Variants in NEDD4L observed in about 807,000 individuals in gnomAD.
The protein encoded by NEDD4L is E3 ubiquitin-protein ligase NEDD4-like.
Under a neutral mutation model 148.9 loss-of-function variants are expected in NEDD4L, and 54 were observed. The ratio of observed to expected loss-of-function variants is 0.36; its 90% CI spans 0.29 to 0.45. NEDD4L has a LOEUF of 0.45. Ranked by LOEUF, NEDD4L falls within the 20% of genes least tolerant of loss-of-function variation. The pLI is 1.00. For synonymous variants in NEDD4L, 433 were observed against 440.7 expected, an observed-to-expected ratio of 0.98 and a Z score of 0.22; for missense variants, 856 against 1,233.8, an observed-to-expected ratio of 0.69 and a Z score of 4.59.
chr18:58,124,987 C>T (rs970705835), intron 1 of NEDD4L, among the ~76,000 whole-genome samples: 22 of 152,230 alleles, frequency 1.4e-4, no homozygotes, highest in African/African-American at 4.6e-4. Context: ...ACTGCAGCGT[C>T]AGACTCCTGG....
chr18:58,110,588 A>C (rs1374320862), intron 1 of NEDD4L, among the ~76,000 whole-genome samples: 1 of 152,052 alleles, frequency 6.6e-6, no homozygotes, highest in Non-Finnish European at 1.5e-5. Flanking sequence ...CGTGCTGTGG[A>C]CCTCAGTCCC....
At chr18:58,250,131 T>A (rs1319725181) in intron 4 of NEDD4L, among the ~76,000 whole-genome samples, 2 of 151,828 alleles carry the variant, frequency 1.3e-5, no homozygotes, top group Non-Finnish European at 2.9e-5. Flanking sequence ...TTTCTGAAGG[T>A]TTTTTTTGTT....
intron 16 of NEDD4L, among the ~76,000 whole-genome samples, chr18:58,345,795 G>T (rs1335321433): frequency 1.3e-5 from 2 of 152,156 alleles, no homozygotes; most frequent in East Asian, 3.9e-4. Flanking sequence ...AGGCTGGAGT[G>T]TAATGGCACA....
At chr18:58,146,073 TA>T (rs1453184959) in intron 1 of NEDD4L, among the ~76,000 whole-genome samples, 1 of 152,078 alleles carries the variant, frequency 6.6e-6, no homozygotes, top group African/African-American at 2.4e-5. Context: ...TTAAAAGTAT[TA>T]ATAGTAGTGC....
intron 5 of NEDD4L, among the ~76,000 whole-genome samples, chr18:58,285,885 G>A (rs990613821): frequency 2.6e-5 from 4 of 152,186 alleles, no homozygotes; most frequent in African/African-American, 9.6e-5. Context: ...TAAACAACAT[G>A]TTCAGCAAGC....
At chr18:58,345,071 C>T (rs1372412650) in intron 16 of NEDD4L, among the ~76,000 whole-genome samples, 1 of 152,252 alleles carries the variant, frequency 6.6e-6, no homozygotes, top group East Asian at 1.9e-4. Flanking sequence ...CCCATTTTTA[C>T]TTTCCAGTTG....
At chr18:58,247,914 G>A (rs372799505) in intron 3 of NEDD4L, among the ~76,000 whole-genome samples, 251 of 152,288 alleles carry the variant, frequency 1.6e-3, no homozygotes, top group African/African-American at 5.8e-3. Context: ...TGGAGTTGTG[G>A]GTGGGGAAAG....
chr18:58,191,120 G>C (rs536598574), intron 2 of NEDD4L, among the ~76,000 whole-genome samples: 45 of 152,180 alleles, frequency 3.0e-4, no homozygotes, highest in African/African-American at 1.1e-3. Flanking sequence ...GTCTCTAAAA[G>C]TATAATATTT....
intron 5 of NEDD4L, among the ~76,000 whole-genome samples, chr18:58,267,385 A>G (rs1568521667): frequency 6.6e-6 from 1 of 152,080 alleles, no homozygotes. Flanking sequence ...AGAATCTCTC[A>G]TGAAAATGTA....
chr18:58,337,607 AC>A (rs531172900), intron 13 of NEDD4L, among the ~76,000 whole-genome samples: 137 of 152,160 alleles, frequency 9.0e-4, no homozygotes, highest in African/African-American at 3.2e-3. Context: ...TGTATACATT[AC>A]TTAGCAACTT....
chr18:58,132,708 G>T (rs887611219), intron 1 of NEDD4L, among the ~76,000 whole-genome samples: 2 of 152,156 alleles, frequency 1.3e-5, no homozygotes, highest in African/African-American at 4.8e-5. Flanking sequence ...GAGCTTAGTG[G>T]GCCTTGGACC....
intron 24 of NEDD4L, among the ~76,000 whole-genome samples, chr18:58,382,059 A>T (rs2048414081): frequency 6.6e-6 from 1 of 152,278 alleles, no homozygotes; most frequent in Non-Finnish European, 1.5e-5. Context: ...TGGAAAGCAT[A>T]GTGGAAAAAT....
chr18:58,179,382 A>G (rs548556470), intron 2 of NEDD4L, among the ~76,000 whole-genome samples: 1 of 152,292 alleles, frequency 6.6e-6, no homozygotes, highest in South Asian at 2.1e-4. Flanking sequence ...TGGCCTCGCC[A>G]TCTGTACAGT....
intron 1 of NEDD4L, among the ~76,000 whole-genome samples, chr18:58,155,626 T>C (rs1407204597): frequency 1.3e-5 from 2 of 152,220 alleles, no homozygotes; most frequent in African/African-American, 4.8e-5. Context: ...AGCATGATTA[T>C]GGCCAAGATG....
chr18:58,269,673 C>G (rs897476526), intron 5 of NEDD4L, among the ~76,000 whole-genome samples: 3 of 152,066 alleles, frequency 2.0e-5, no homozygotes, highest in African/African-American at 7.2e-5. Context: ...GATTTTCAGT[C>G]AGGGTTGAGA....
At chr18:58,390,542 T>C (rs2049672075) in intron 28 of NEDD4L, 104 bp from the exon 29 acceptor site, 1 of 727,064 alleles carries the variant, frequency 1.4e-6, no homozygotes, top group Non-Finnish European at 2.4e-6. Context: ...TGTCTAGGTC[T>C]TACATTGCAA....
intron 1 of NEDD4L, among the ~76,000 whole-genome samples, chr18:58,058,813 T>TA (rs2082199681): frequency 6.6e-6 from 1 of 152,218 alleles, no homozygotes; most frequent in South Asian, 2.1e-4. Context: ...TCTGCATAGT[T>TA]ACTTCTACTG....
chr18:58,053,888 A>G (rs1332912179), intron 1 of NEDD4L, among the ~76,000 whole-genome samples: 1 of 152,162 alleles, frequency 6.6e-6, no homozygotes, highest in Non-Finnish European at 1.5e-5. Flanking sequence ...AAAGCCAATC[A>G]TTTCTTTTAC....
intron 4 of NEDD4L, among the ~76,000 whole-genome samples, chr18:58,249,300 C>T (rs2047631816): frequency 6.6e-6 from 1 of 152,022 alleles, no homozygotes; most frequent in Non-Finnish European, 1.5e-5. Context: ...GTAGAGGCAA[C>T]ATGATTAAAA....
Sources: gnomAD v4.1 joint callset for allele counts (sites outside exome capture counted in the v4.1 genomes callset) on GRCh38, gnomAD v4.1.1 for gene constraint, MANE v1.5 for transcripts, NCBI Gene and HGNC (gene_info 2026-07-23, HGNC 2026-07-21) for gene names.